The following RSPO2 variants were observed in gnomAD, a reference collection of about 807,000 sequenced individuals.
The protein encoded by RSPO2 is R-spondin 2, also known as R-spondin-2.
Under a neutral mutation model 30.9 loss-of-function variants are expected in RSPO2, and 14 were observed. The observed-to-expected ratio is 0.45, with a 90% CI of 0.30 to 0.71. RSPO2 has a LOEUF of 0.71. Ranked by LOEUF, RSPO2 falls within the 30% of genes least tolerant of loss-of-function variation. The pLI is 0.08. For synonymous variants in RSPO2, 107 were observed against 96.4 expected, an observed-to-expected ratio of 1.11 and a Z score of -0.64; for missense variants, 264 against 301.9, an observed-to-expected ratio of 0.87 and a Z score of 0.93.
chr8:108,059,173 T>C (rs1465870020), intron 2 of RSPO2, among the ~76,000 whole-genome samples: 2 of 150,374 alleles, frequency 1.3e-5, no homozygotes, highest in Admixed American at 6.6e-5. Context: ...AACAACCCCA[T>C]CAAAAAGTGG....
chr8:108,073,716 T>A (rs1378607582), intron 2 of RSPO2, among the ~76,000 whole-genome samples: 2 of 152,206 alleles, frequency 1.3e-5, no homozygotes, highest in South Asian at 2.1e-4. Flanking sequence ...AACTCTTTAG[T>A]GGGATTGAGA....
At chr8:107,964,946 A>C (rs755920612) in intron 3 of RSPO2, among the ~76,000 whole-genome samples, 76 of 152,200 alleles carry the variant, frequency 5.0e-4, no homozygotes, top group Non-Finnish European at 7.3e-4. Flanking sequence ...CCTACTCCCC[A>C]GAAATAGCCA....
At chr8:108,068,088 A>C (rs566067051) in intron 2 of RSPO2, among the ~76,000 whole-genome samples, 5 of 152,268 alleles carry the variant, frequency 3.3e-5, no homozygotes, top group East Asian at 3.9e-4. Context: ...CAAAAAAAAA[A>C]CAGCTAAACT....
At chr8:108,049,839 T>C (rs899042033) in intron 2 of RSPO2, among the ~76,000 whole-genome samples, 4 of 152,182 alleles carry the variant, frequency 2.6e-5, no homozygotes, top group Admixed American at 6.5e-5. Flanking sequence ...GTCTTTGCTA[T>C]TGTAAACAGT....
intron 2 of RSPO2, among the ~76,000 whole-genome samples, chr8:108,025,389 C>T (rs1811186616): frequency 1.3e-5 from 2 of 152,150 alleles, no homozygotes; most frequent in Admixed American, 6.6e-5. Flanking sequence ...TAAAGGAGGT[C>T]CCAGTGTTCC....
chr8:108,075,785 TA>T (rs1166453781), intron 2 of RSPO2, among the ~76,000 whole-genome samples: 1 of 151,798 alleles, frequency 6.6e-6, no homozygotes, highest in Non-Finnish European at 1.5e-5. Context: ...CTTCAATTTT[TA>T]AAAAAACAGC....
intron 3 of RSPO2, among the ~76,000 whole-genome samples, chr8:107,987,422 T>C (rs1814685562): frequency 1.3e-5 from 2 of 152,222 alleles, no homozygotes; most frequent in Non-Finnish European, 2.9e-5. Context: ...TCAGTTGCAC[T>C]GCAGCCTCCC....
chr8:107,989,444 G>A, intron 2 of RSPO2, 200 bp from the exon 3 acceptor site: 1 of 499,070 alleles, frequency 2.0e-6, no homozygotes, highest in Non-Finnish European at 3.5e-6. Context: ...GAAACAAAGA[G>A]GAAACTCAGA....
intron 3 of RSPO2, among the ~76,000 whole-genome samples, chr8:107,965,619 A>G (rs1336219717): frequency 6.6e-6 from 1 of 151,902 alleles, no homozygotes; most frequent in African/African-American, 2.4e-5. Context: ...AAAGGGACCA[A>G]TTTCTGTCCT....
chr8:108,079,026 A>C (rs1033294962), intron 2 of RSPO2, among the ~76,000 whole-genome samples: 4 of 152,194 alleles, frequency 2.6e-5, no homozygotes, highest in African/African-American at 9.7e-5. Flanking sequence ...GTGGCTTACA[A>C]CCATTCCAAA....
Position 107,900,826 on chromosome 8 carries a change from G to A in RSPO2, c.*249C>T. 1 of 373,792 alleles carries A rather than the reference G, an allele frequency of 2.7e-6. No homozygotes were observed. Among genetic ancestry groups the A allele is most frequent in the Non-Finnish European group, 4.8e-6 (1 of 208,478 alleles). The allele number at this position is 373,792 out of a possible 1,614,324, so 23.2% of individuals were successfully genotyped here. ...TAGCATGTCCATGGTGCCGGGGACGGATTCTCTCAGCACACACTGAGCCAA... is the reference window on the plus strand; with the variant it reads ...TAGCATGTCCATGGTGCCGGGGACGAATTCTCTCAGCACACACTGAGCCAA... On this transcript the variant is annotated 3_prime_UTR_variant, in exon 6 of 6. Coordinates refer to ENST00000276659, the MANE Select transcript of RSPO2 (RefSeq NM_178565.5).
intron 5 of RSPO2, among the ~76,000 whole-genome samples, chr8:107,950,106 T>G (rs114830722): frequency 1.6e-3 from 247 of 151,446 alleles, no homozygotes; most frequent in African/African-American, 5.7e-3. Flanking sequence ...TGTGAGAATT[T>G]CCTCAATTCC....
At chr8:107,919,788 C>A (rs751812059) in intron 5 of RSPO2, among the ~76,000 whole-genome samples, 2 of 151,848 alleles carry the variant, frequency 1.3e-5, no homozygotes, top group Non-Finnish European at 2.9e-5. Context: ...CCTGAATGCT[C>A]GGGGAGACTG....
chr8:108,081,995 C>T (rs966789800), intron 2 of RSPO2: 1 of 898,860 alleles, frequency 1.1e-6, no homozygotes, highest in African/African-American at 1.8e-5. Context: ...GGAGGTCCTC[C>T]CCCTCGACTT....
At chr8:108,044,678 T>C (rs1811859887) in intron 2 of RSPO2, among the ~76,000 whole-genome samples, 1 of 152,156 alleles carries the variant, frequency 6.6e-6, no homozygotes, top group Non-Finnish European at 1.5e-5. Flanking sequence ...AACATACATG[T>C]GCATGTGTCT....
intron 3 of RSPO2, among the ~76,000 whole-genome samples, chr8:107,970,013 C>G (rs1457621233): frequency 6.6e-6 from 1 of 152,160 alleles, no homozygotes; most frequent in Non-Finnish European, 1.5e-5. Context: ...GTGGTGCCCT[C>G]CACTCAACCC....
intron 5 of RSPO2, among the ~76,000 whole-genome samples, chr8:107,951,466 C>T (rs1813245527): frequency 6.6e-6 from 1 of 152,120 alleles, no homozygotes; most frequent in Non-Finnish European, 1.5e-5. Flanking sequence ...ACCACTGACA[C>T]CATGTGTGTC....
intron 3 of RSPO2, among the ~76,000 whole-genome samples, chr8:107,967,474 T>G (rs1474668873): frequency 6.6e-6 from 1 of 152,138 alleles, no homozygotes; most frequent in African/African-American, 2.4e-5. Flanking sequence ...AAAATTACAT[T>G]TTTTTGTAAT....
At chr8:108,040,220 C>T (rs1336504663) in intron 2 of RSPO2, among the ~76,000 whole-genome samples, 4 of 152,046 alleles carry the variant, frequency 2.6e-5, no homozygotes, top group South Asian at 2.1e-4. Flanking sequence ...TTGAAGTCCT[C>T]GAAAAGCAAC....
Sources: allele counts gnomAD v4.1 joint callset (sites outside exome capture counted in the v4.1 genomes callset), GRCh38; gene constraint gnomAD v4.1.1; transcripts MANE v1.5; gene names NCBI Gene and HGNC (gene_info 2026-07-23, HGNC 2026-07-21).